GNPTAB: variants seen among roughly 807,000 people sequenced by gnomAD.
GNPTAB encodes N-acetylglucosamine-1-phosphotransferase subunits alpha/beta.
GNPTAB carries 92 observed loss-of-function variants against 136.6 expected under a neutral mutation model. The observed-to-expected ratio is 0.67, with a 90% CI of 0.57 to 0.80. GNPTAB has a LOEUF of 0.80. GNPTAB is among the 30% of genes least tolerant of loss of function. GNPTAB has a pLI of 0.00. For synonymous variants in GNPTAB, 512 were observed against 535.1 expected (o/e 0.96, Z 0.60); for missense variants, 1,343 against 1,501.8 (o/e 0.89, Z 1.75).
rs764653236 is a variant in GNPTAB at position 101,757,317 on chromosome 12, A to G, written c.3336-7T>C. The stretch of plus-strand genomic sequence containing the variant: ...TTCTCCCATGATTTCAAACCTAATT[A>G]TCAAAACATATTTGAAGAGTTTAAA... On this transcript the variant is annotated splice_region_variant and splice_polypyrimidine_tract_variant and intron_variant, in intron 17 of 20. Transcript: ENST00000299314. The G allele has an allele frequency of 6.8e-7, 1 of 1,461,248 alleles. No individual in the cohort carries two copies. The highest frequency in any genetic ancestry group is 9.6e-7 in the Non-Finnish European group (1 of 1,042,694). The allele number at this position is 1,461,248 out of a possible 1,614,324, so 90.5% of individuals were successfully genotyped here.
intron 3 of GNPTAB, among the ~76,000 whole-genome samples, chr12:101,789,511 G>T (rs1868858517): frequency 6.6e-6 from 1 of 152,058 alleles, no homozygotes. Context: ...TTGAGACAGG[G>T]TCTCACTCTG....
chr12:101,822,240 C>A (rs534309121), intron 1 of GNPTAB, among the ~76,000 whole-genome samples: 1 of 152,034 alleles, frequency 6.6e-6, no homozygotes, highest in Non-Finnish European at 1.5e-5. Context: ...GGTGAAACCC[C>A]GTCTCTACTA....
chr12:101,761,362 A>T lies in GNPTAB; in HGVS notation c.2916-16T>A. Reference sequence around the variant, plus strand: ...TTCAGGGAACCTGTCCAAATATAACATATTACAAACTCTGGATATTCAAAG... The same window carrying T: ...TTCAGGGAACCTGTCCAAATATAACTTATTACAAACTCTGGATATTCAAAG... On this transcript the variant is annotated splice_polypyrimidine_tract_variant and intron_variant, in intron 14 of 20. Transcript: ENST00000299314. The T allele has an allele frequency of 1.9e-6, 3 of 1,607,138 alleles. No individual in the cohort carries two copies. Among genetic ancestry groups the T allele is most frequent in the Non-Finnish European group, 2.6e-6 (3 of 1,175,044 alleles).
chr12:101,797,599 G>A (rs1046792549), intron 1 of GNPTAB, among the ~76,000 whole-genome samples: 1 of 152,150 alleles, frequency 6.6e-6, no homozygotes, highest in Non-Finnish European at 1.5e-5. Flanking sequence ...ACTCCAGCCT[G>A]GGCAACAGAG....
chr12:101,804,568 T>C (rs1869834367), intron 1 of GNPTAB, among the ~76,000 whole-genome samples: 1 of 152,246 alleles, frequency 6.6e-6, no homozygotes, highest in South Asian at 2.1e-4. Flanking sequence ...AGACCTGCAC[T>C]GTCCAATATG....
chr12:101,783,178 C>A (rs144407549), intron 5 of GNPTAB, among the ~76,000 whole-genome samples: 2 of 152,004 alleles, frequency 1.3e-5, no homozygotes, highest in African/African-American at 2.4e-5. Context: ...CTGTTCCCTG[C>A]TGTATCTTCA....
chr12:101,815,323 G>A (rs1174408098), intron 1 of GNPTAB, among the ~76,000 whole-genome samples: 1 of 152,192 alleles, frequency 6.6e-6, no homozygotes, highest in Non-Finnish European at 1.5e-5. Flanking sequence ...ACAGGCATGA[G>A]CCACCATGCC....
chr12:101,828,639 G>A (rs768773739), intron 1 of GNPTAB, among the ~76,000 whole-genome samples: 20 of 152,182 alleles, frequency 1.3e-4, no homozygotes, highest in Non-Finnish European at 2.2e-4. Context: ...GCAGTGAGCC[G>A]AGATTGCGCC....
chr12:101,764,405 G>A lies in GNPTAB; in HGVS notation c.2512C>T (p.Leu838=). 1 of 1,613,568 alleles carries A rather than the reference G, an allele frequency of 6.2e-7. No individual in the cohort carries two copies. Among genetic ancestry groups the A allele is most frequent in the Non-Finnish European group, 8.5e-7 (1 of 1,180,012 alleles). Residue 838 remains leucine, a synonymous_variant, in exon 13 of 21, where the codon CTG becomes TTG. Transcript: ENST00000299314. The part of the protein sequence containing the change: ...GNVTKEKPPS[L]IVPLESQMTK... ...ATCTGGCTTTCCAGTGGAACAATCA[G>A]AGATGGGGGCTTTTCTTTTGTCACA...
intron 19 of GNPTAB, among the ~76,000 whole-genome samples, chr12:101,750,694 A>G (rs1594201376): frequency 1.3e-5 from 2 of 152,330 alleles, no homozygotes; most frequent in East Asian, 3.9e-4. Context: ...GTGAGAAGCC[A>G]TTCCTTGCCA....
intron 10 of GNPTAB, 146 bp from the exon 11 acceptor site, chr12:101,768,306 T>A (rs1594217402): frequency 2.4e-6 from 2 of 840,194 alleles, no homozygotes; most frequent in East Asian, 5.3e-5. Flanking sequence ...TCACAAGTGC[T>A]TTAAGTTTGC....
At chr12:101,774,502 T>C (rs1348415581) in intron 7 of GNPTAB, among the ~76,000 whole-genome samples, 1 of 152,212 alleles carries the variant, frequency 6.6e-6, no homozygotes, top group Non-Finnish European at 1.5e-5. Context: ...ATCTAACATT[T>C]TACATTTTGT....
intron 13 of GNPTAB, 147 bp downstream of exon 13, chr12:101,764,055 G>T (rs1953044153): frequency 9.7e-7 from 1 of 1,028,672 alleles, no homozygotes; most frequent in Non-Finnish European, 1.4e-6. Flanking sequence ...GGGTTATTGG[G>T]TAAATTAAAT....
chr12:101,790,160 C>G, intron 2 of GNPTAB, 103 bp from the exon 3 acceptor site: 1 of 1,482,466 alleles, frequency 6.7e-7, no homozygotes, highest in East Asian at 2.3e-5. Flanking sequence ...AAAAAAATCT[C>G]TGAAGAAGTA....
intron 1 of GNPTAB, 132 bp from the exon 2 acceptor site, chr12:101,796,894 C>T: frequency 3.0e-6 from 2 of 661,056 alleles, no homozygotes; most frequent in Non-Finnish European, 5.3e-6. Context: ...TCACTTACTG[C>T]CTACCACATA....
At position 101,764,983 on chromosome 12, in the gene GNPTAB, G is replaced by C; in HGVS notation, c.1934C>G (p.Ala645Gly). 6.2e-7 allele frequency: 1 copy of C among 1,614,048 alleles called. No homozygotes were observed. Among genetic ancestry groups the C allele is most frequent in the Non-Finnish European group, 8.5e-7 (1 of 1,179,972 alleles). Residue 645 changes from alanine (A) to glycine (G), a missense_variant, in exon 13 of 21, where the codon GCC becomes GGC. Transcript: ENST00000299314. ...TREGPKLNST[A>G]QKGYENLVSP... ...AACTAAATTTTCGTAACCCTTCTGG[G>C]CTGTAGAATTCAGTTTTGGTCCCTC...
At chr12:101,820,395 T>C (rs1303022772) in intron 1 of GNPTAB, among the ~76,000 whole-genome samples, 1 of 152,224 alleles carries the variant, frequency 6.6e-6, no homozygotes, top group East Asian at 1.9e-4. Context: ...TTTCTCTTCC[T>C]ATGTCCTTCC....
chr12:101,796,351 C>A, intron 2 of GNPTAB: 1 of 695,492 alleles, frequency 1.4e-6, no homozygotes, highest in Non-Finnish European at 2.6e-6. Flanking sequence ...ATTTTTCACC[C>A]ACAAAATGTG....
chr12:101,830,004 C>CAAAAA (rs35884808), intron 1 of GNPTAB, among the ~76,000 whole-genome samples: 16 of 106,128 alleles, frequency 1.5e-4, no homozygotes, highest in East Asian at 2.5e-4. Context: ...AACCTCCTAC[C>CAAAAA]AAAAAAAAAA....
Sources: allele counts gnomAD v4.1 joint callset (sites outside exome capture counted in the v4.1 genomes callset), GRCh38; gene constraint gnomAD v4.1.1; transcripts MANE v1.5; gene names NCBI Gene and HGNC (gene_info 2026-07-23, HGNC 2026-07-21).